SLC8A3: variants seen among roughly 807,000 people sequenced by gnomAD.
SLC8A3 encodes the protein sodium/calcium exchanger 3.
In SLC8A3, 37 loss-of-function variants were observed where a neutral mutation model predicts 65.4. The observed-to-expected ratio is 0.57, with a 90% CI of 0.44 to 0.74. The LOEUF is 0.74. Ranked by LOEUF, SLC8A3 falls within the 30% of genes least tolerant of loss-of-function variation. SLC8A3 has a pLI of 0.00. For missense variants in SLC8A3, 1,112 were observed against 1,172.1 expected, an observed-to-expected ratio of 0.95 and a Z score of 0.75; for synonymous variants, 461 against 444.5, an observed-to-expected ratio of 1.04 and a Z score of -0.47.
intron 2 of SLC8A3, among the ~76,000 whole-genome samples, chr14:70,129,143 C>T (rs1482263819): frequency 6.6e-6 from 1 of 152,202 alleles, no homozygotes. Flanking sequence ...CATCTCAGAT[C>T]ACACCCTTCT....
rs1462961596 is a variant in SLC8A3 at position 70,051,064 on chromosome 14, A to G, written c.2057T>C (p.Val686Ala). The change falls in exon 5 of 7, where the codon GTT (valine) becomes GCT (alanine). Residue 686 changes from valine to alanine, a missense_variant. Val to Ala is a moderately conservative substitution (Grantham distance 64). Coordinates refer to ENST00000356921, the MANE Select transcript of SLC8A3 (RefSeq NM_182932.3). ...GTCCCTCCAGGAATGGGTCCCCACAACCAAGGCCAGGTTTGTCTTCTTGAT... is the reference window on the plus strand; with the variant it reads ...GTCCCTCCAGGAATGGGTCCCCACAGCCAAGGCCAGGTTTGTCTTCTTGAT... ...KLIKKTNLAL[V>A]VGTHSWRDQF... 10 of 1,613,780 alleles carry G rather than the reference A, an allele frequency of 6.2e-6. No individual in the cohort carries two copies. Among genetic ancestry groups the G allele is most frequent in the Non-Finnish European group, 8.5e-6 (10 of 1,179,712 alleles).
intron 2 of SLC8A3, among the ~76,000 whole-genome samples, chr14:70,112,441 G>C (rs1011400143): frequency 1.3e-5 from 2 of 152,192 alleles, no homozygotes; most frequent in Admixed American, 6.5e-5. Flanking sequence ...ACACAACCCT[G>C]ACAGTCTAGG....
At chr14:70,145,630 G>A (rs548643994) in intron 2 of SLC8A3, among the ~76,000 whole-genome samples, 15 of 152,346 alleles carry the variant, frequency 9.8e-5, no homozygotes, top group Non-Finnish European at 1.6e-4. Context: ...CCCAATGATA[G>A]CAACACTGTC....
chr14:70,151,979 G>C (rs1200440991), intron 2 of SLC8A3, among the ~76,000 whole-genome samples: 1 of 152,118 alleles, frequency 6.6e-6, no homozygotes, highest in African/African-American at 2.4e-5. Flanking sequence ...TCCCAAATAA[G>C]GTAGTATCCT....
intron 4 of SLC8A3, 123 bp from the exon 5 acceptor site, chr14:70,051,230 A>G (rs1887472800): frequency 3.0e-6 from 2 of 673,092 alleles, no homozygotes; most frequent in Admixed American, 2.3e-5. Context: ...TACGCATGGA[A>G]TGGCCTTGGG....
At chr14:70,077,391 G>A (rs1890632786) in intron 2 of SLC8A3, among the ~76,000 whole-genome samples, 2 of 152,132 alleles carry the variant, frequency 1.3e-5, no homozygotes, top group African/African-American at 4.8e-5. Context: ...CCTTTTCAGG[G>A]TAACATTCCC....
chr14:70,119,333 G>T (rs1176158599), intron 2 of SLC8A3, among the ~76,000 whole-genome samples: 1 of 152,142 alleles, frequency 6.6e-6, no homozygotes, highest in Non-Finnish European at 1.5e-5. Flanking sequence ...GAAATACTTT[G>T]CCCTGCTTTC....
chr14:70,069,623 C>T (rs1305931501), intron 2 of SLC8A3, among the ~76,000 whole-genome samples: 4 of 152,124 alleles, frequency 2.6e-5, no homozygotes, highest in Admixed American at 6.6e-5. Context: ...CATCTCTTCC[C>T]CTGCCAGGTT....
At chr14:70,133,175 A>G (rs1555378672) in intron 2 of SLC8A3, among the ~76,000 whole-genome samples, 1 of 152,180 alleles carries the variant, frequency 6.6e-6, no homozygotes, top group Non-Finnish European at 1.5e-5. Flanking sequence ...GGTACCTGTA[A>G]TAAAATGGCC....
chr14:70,063,756 T>G, intron 2 of SLC8A3: 3 of 858,208 alleles, frequency 3.5e-6, no homozygotes, highest in East Asian at 2.6e-5. Flanking sequence ...GACAAATGGG[T>G]TGGAGAGGAA....
chr14:70,162,026 T>A (rs895118779), intron 2 of SLC8A3, among the ~76,000 whole-genome samples: 20 of 148,830 alleles, frequency 1.3e-4, no homozygotes, highest in African/African-American at 4.5e-4. Flanking sequence ...AAAGACTTTT[T>A]AAAAAATTTC....
chr14:70,128,672 G>A (rs1894635781), intron 2 of SLC8A3, among the ~76,000 whole-genome samples: 1 of 152,178 alleles, frequency 6.6e-6, no homozygotes, highest in Admixed American at 6.5e-5. Flanking sequence ...TAAAAAACTT[G>A]GAGAAGGTGG....
chr14:70,063,975 G>C lies in SLC8A3; in HGVS notation c.1785-3036C>G, dbSNP rs374713523. 20 of 1,076,786 alleles carry C rather than the reference G, an allele frequency of 1.9e-5. No homozygotes were observed. The African/African-American group carries it at 2.2e-4, about 12-fold the overall frequency. The allele number at this position is 1,076,786 out of a possible 1,614,324, so 66.7% of individuals were successfully genotyped here. ...ATCATAAGCAAGGAGTAGAGTGTAG[G>C]ACAAGTCAGCCAGCAGACAAAAACG... On this transcript the variant is annotated intron_variant, in intron 2 of 6. Coordinates refer to ENST00000356921, the MANE Select transcript of SLC8A3 (RefSeq NM_182932.3).
upstream of SLC8A3, chr14:70,189,136 G>C (rs995578721): frequency 1.3e-5 from 2 of 152,258 alleles, no homozygotes; most frequent in African/African-American, 4.8e-5. Flanking sequence ...AACGCTCCTC[G>C]ACCAGCAGCG....
At chr14:70,159,533 G>A (rs1297582273) in intron 2 of SLC8A3, among the ~76,000 whole-genome samples, 1 of 152,136 alleles carries the variant, frequency 6.6e-6, no homozygotes, top group Admixed American at 6.5e-5. Context: ...CTAGCTAAAG[G>A]GTGGAGAAGG....
At chr14:70,097,985 A>G (rs915807297) in intron 2 of SLC8A3, among the ~76,000 whole-genome samples, 1 of 152,098 alleles carries the variant, frequency 6.6e-6, no homozygotes, top group South Asian at 2.1e-4. Context: ...CTTTCCTGCT[A>G]TTGCTCTGTC....
At chr14:70,119,554 G>A (rs1029924729) in intron 2 of SLC8A3, among the ~76,000 whole-genome samples, 4 of 151,960 alleles carry the variant, frequency 2.6e-5, no homozygotes, top group Non-Finnish European at 4.4e-5. Flanking sequence ...CCAGAGGGAG[G>A]AAAGTAATTG....
intron 2 of SLC8A3, among the ~76,000 whole-genome samples, chr14:70,095,026 C>G (rs1203561023): frequency 6.6e-6 from 1 of 152,178 alleles, no homozygotes; most frequent in African/African-American, 2.4e-5. Context: ...AGCTGCTTAC[C>G]CTCTGAGCCT....
At chr14:70,178,484 T>C (rs1298028266) in intron 1 of SLC8A3, among the ~76,000 whole-genome samples, 1 of 152,206 alleles carries the variant, frequency 6.6e-6, no homozygotes, top group South Asian at 2.1e-4. Flanking sequence ...CTGTTTCAAA[T>C]GACCGCAGTT....
Sources: gnomAD v4.1 joint callset for allele counts (sites outside exome capture counted in the v4.1 genomes callset) on GRCh38, gnomAD v4.1.1 for gene constraint, MANE v1.5 for transcripts, NCBI Gene and HGNC (gene_info 2026-07-23, HGNC 2026-07-21) for gene names.